Variants in RRBP1 observed in about 807,000 individuals in gnomAD.
RRBP1 encodes ribosome binding protein 1.
In RRBP1, 94 loss-of-function variants were observed where a neutral mutation model predicts 165.2. The observed-to-expected ratio is 0.57, with a 90% CI of 0.48 to 0.68. RRBP1 has a LOEUF of 0.68. RRBP1 is among the 30% of genes least tolerant of loss of function. The pLI is 0.00. For synonymous variants in RRBP1, 680 were observed against 714.5 expected, an observed-to-expected ratio of 0.95 and a Z score of 0.77; for missense variants, 1,676 against 1,763.0, an observed-to-expected ratio of 0.95 and a Z score of 0.88.
At chr20:17,663,518 A>G (rs1215885298) in intron 2 of RRBP1, among the ~76,000 whole-genome samples, 1 of 152,262 alleles carries the variant, frequency 6.6e-6, no homozygotes, top group African/African-American at 2.4e-5. Flanking sequence ...TTTTTAAAAG[A>G]AATCTTTCAC....
At chr20:17,677,624 G>A (rs1471392186) in intron 2 of RRBP1, among the ~76,000 whole-genome samples, 1 of 152,172 alleles carries the variant, frequency 6.6e-6, no homozygotes, top group Non-Finnish European at 1.5e-5. Flanking sequence ...CAGATCACCT[G>A]AGGTCAGGAC....
intron 2 of RRBP1, among the ~76,000 whole-genome samples, chr20:17,673,445 G>A (rs2037017114): frequency 6.6e-6 from 1 of 152,126 alleles, no homozygotes. Flanking sequence ...GTCTCACTTT[G>A]TCGCCCAGGC....
chr20:17,634,057 C>A (rs1403300972), intron 7 of RRBP1, among the ~76,000 whole-genome samples: 1 of 152,232 alleles, frequency 6.6e-6, no homozygotes, highest in Non-Finnish European at 1.5e-5. Context: ...AAAGCCAGAG[C>A]CTGAGGTGCT....
intron 2 of RRBP1, among the ~76,000 whole-genome samples, chr20:17,667,376 T>A (rs1048575021): frequency 3.3e-5 from 5 of 152,214 alleles, no homozygotes; most frequent in African/African-American, 1.2e-4. Flanking sequence ...AAAATTAATA[T>A]TCATTATTCC....
intron 18 of RRBP1, 73 bp downstream of exon 18, chr20:17,620,226 G>A: frequency 9.3e-7 from 1 of 1,075,580 alleles, no homozygotes. Context: ...TCAGTGAAGT[G>A]TCCTCTGCAT....
At chr20:17,681,035 C>T (rs2037172439) in intron 1 of RRBP1, among the ~76,000 whole-genome samples, 1 of 151,982 alleles carries the variant, frequency 6.6e-6, no homozygotes, top group African/African-American at 2.4e-5. Context: ...CTGCGGGCGC[C>T]CCACTGGAAG....
At chr20:17,671,622 A>G (rs1046781700) in intron 2 of RRBP1, among the ~76,000 whole-genome samples, 1 of 152,138 alleles carries the variant, frequency 6.6e-6, no homozygotes, top group Non-Finnish European at 1.5e-5. Context: ...CCCCTTCTCC[A>G]TGAAGGTGTC....
At chr20:17,676,524 G>A (rs1055406680) in intron 2 of RRBP1, among the ~76,000 whole-genome samples, 5 of 152,162 alleles carry the variant, frequency 3.3e-5, no homozygotes, top group South Asian at 2.1e-4. Flanking sequence ...CAGCAGCTCC[G>A]TGGGACAAGC....
chr20:17,618,605 C>A lies in RRBP1; in HGVS notation c.3750G>T (p.Glu1250Asp). The A allele has an allele frequency of 6.2e-7, 1 of 1,613,910 alleles. No homozygotes were observed. The highest frequency in any genetic ancestry group is 2.2e-5 in the East Asian group (1 of 44,884). Residue 1250 changes from glutamate (E) to aspartate (D), a missense_variant, in exon 20 of 25, where the codon GAG becomes GAT. Coordinates refer to ENST00000377813, the MANE Select transcript of RRBP1 (RefSeq NM_001365613.2). ...CATGGAGGCCACCTACCAGGGCAAGCTCATCGCTCTGTTTCTGGGCTTCGC... is the reference window on the plus strand; with the variant it reads ...CATGGAGGCCACCTACCAGGGCAAGATCATCGCTCTGTTTCTGGGCTTCGC... ...AKSEAQKQSDELALVRQQLSE... is the reference protein window; with the variant it reads ...AKSEAQKQSDDLALVRQQLSE...
intron 18 of RRBP1, 87 bp downstream of exon 18, chr20:17,620,212 G>C (rs1333473096): frequency 1.0e-6 from 1 of 958,652 alleles, no homozygotes; most frequent in Non-Finnish European, 1.7e-6. Context: ...CCATGAGGAA[G>C]AAATCAGTGA....
At chr20:17,681,296 C>T (rs1443600944) in intron 1 of RRBP1, among the ~76,000 whole-genome samples, 1 of 148,444 alleles carries the variant, frequency 6.7e-6, no homozygotes, top group Non-Finnish European at 1.5e-5. Flanking sequence ...TGGCCCCGGC[C>T]CCGCCGCCAG....
chr20:17,640,325 G>A (rs2036328963), intron 5 of RRBP1, among the ~76,000 whole-genome samples: 1 of 152,238 alleles, frequency 6.6e-6, no homozygotes. Flanking sequence ...TCCAAGCACG[G>A]AAGGGCATTA....
intron 13 of RRBP1, among the ~76,000 whole-genome samples, chr20:17,623,857 G>A (rs1015557197): frequency 9.9e-5 from 15 of 151,984 alleles, no homozygotes; most frequent in Non-Finnish European, 1.9e-4. Context: ...GCTTGAACCC[G>A]GGAGGCAGGG....
At chr20:17,628,126 G>A (rs2036068896) in intron 9 of RRBP1, among the ~76,000 whole-genome samples, 1 of 152,098 alleles carries the variant, frequency 6.6e-6, no homozygotes, top group South Asian at 2.1e-4. Context: ...AGAAAGGCCA[G>A]GGGGTGACTC....
chr20:17,620,613 C>T (rs1405791970), intron 17 of RRBP1, 102 bp downstream of exon 17: 7 of 932,950 alleles, frequency 7.5e-6, no homozygotes, highest in Non-Finnish European at 8.5e-6. Context: ...AAAAGCCCCA[C>T]CGAGACACAC....
chr20:17,628,093 C>G (rs374327522), intron 9 of RRBP1, among the ~76,000 whole-genome samples: 1 of 152,074 alleles, frequency 6.6e-6, no homozygotes, highest in African/African-American at 2.4e-5. Flanking sequence ...TCCCCCTCAA[C>G]CCCCAAGACC....
In RRBP1 at chr20:17,615,416, C is replaced by T; in HGVS notation, c.4050+15G>A. ...AGACCCTCCAGGTGTGACCCCCGCC[C>T]CAGCCCCTGCCTGCCTTCAGCTGTG... On this transcript the variant is annotated intron_variant, in intron 23 of 24. Coordinates refer to ENST00000377813, the MANE Select transcript of RRBP1 (RefSeq NM_001365613.2). 1.2e-6 allele frequency: 2 copies of T among 1,600,936 alleles called. No homozygotes were observed. The highest frequency in any genetic ancestry group is 1.7e-6 in the Non-Finnish European group (2 of 1,172,654).
At chr20:17,651,548 A>G (rs142602492) in intron 3 of RRBP1, among the ~76,000 whole-genome samples, 1 of 152,338 alleles carries the variant, frequency 6.6e-6, no homozygotes, top group African/African-American at 2.4e-5. Flanking sequence ...CGCAGGTGCA[A>G]TACGGAAAGA....
chr20:17,629,825 G>C lies in RRBP1; in HGVS notation c.2747C>G (p.Ala916Gly). The change falls in exon 9 of 25, where the codon GCC becomes GGC. Residue 916 changes from alanine to glycine, a missense_variant and splice_region_variant. Physicochemically the swap from Ala to Gly is moderately conservative, Grantham distance 60. Transcript: ENST00000377813. ...EKAQEQQQQM[A>G]ELHSKLQSSE... ...GGCCCCACTGCCGCCGCCCTTACCGGCCATCTGCTGCTGTTGCTCCTGGGC... is the reference window on the plus strand; with the variant it reads ...GGCCCCACTGCCGCCGCCCTTACCGCCCATCTGCTGCTGTTGCTCCTGGGC... The C allele has an allele frequency of 6.3e-7, 1 of 1,596,846 alleles. No homozygotes were observed. Among genetic ancestry groups the C allele is most frequent in the Non-Finnish European group, 8.5e-7 (1 of 1,178,192 alleles).
Sources: gnomAD v4.1 joint callset for allele counts (sites outside exome capture counted in the v4.1 genomes callset) on GRCh38, gnomAD v4.1.1 for gene constraint, MANE v1.5 for transcripts, NCBI Gene and HGNC (gene_info 2026-07-23, HGNC 2026-07-21) for gene names.